Variants in FHIT observed in about 807,000 individuals in gnomAD.
The protein encoded by FHIT is bis(5'-adenosyl)-triphosphatase.
A neutral mutation model predicts 17.9 loss-of-function variants in FHIT; 19 were observed. The observed-to-expected ratio is 1.06, with a 90% CI of 0.74 to 1.56. The LOEUF (loss-of-function observed/expected upper bound fraction) is 1.56, where lower values mean the gene tolerates loss of function less well. Ranked by LOEUF, FHIT falls within the 40% of genes most tolerant of loss-of-function variation. The probability of loss-of-function intolerance (pLI) is 0.00; values close to 1 mark genes in which losing one functional copy is unlikely to be tolerated. For missense variants in FHIT, 248 were observed against 189.2 expected, an observed-to-expected ratio of 1.31 and a Z score of -1.82; for synonymous variants, 81 against 69.7, an observed-to-expected ratio of 1.16 and a Z score of -0.81.
At chr3:61,236,840 C>T (rs2040241635) in intron 1 of FHIT, among the ~76,000 whole-genome samples, 2 of 152,300 alleles carry the variant, frequency 1.3e-5, no homozygotes, top group East Asian at 3.9e-4. Context: ...GCATATGCTT[C>T]CTGGCCCACT....
intron 7 of FHIT, among the ~76,000 whole-genome samples, chr3:59,937,343 G>C (rs148743031): frequency 6.6e-6 from 1 of 152,176 alleles, no homozygotes; most frequent in Non-Finnish European, 1.5e-5. Context: ...CCTTCACAGT[G>C]TGATAAGATA....
intron 7 of FHIT, among the ~76,000 whole-genome samples, chr3:59,961,979 C>T (rs1364706448): frequency 6.6e-6 from 1 of 152,158 alleles, no homozygotes; most frequent in East Asian, 1.9e-4. Context: ...AGCATGGTGT[C>T]TGGCATATAA....
intron 7 of FHIT, among the ~76,000 whole-genome samples, chr3:59,986,026 A>T (rs570786945): frequency 5.3e-5 from 8 of 152,216 alleles, no homozygotes; most frequent in Admixed American, 4.6e-4. Flanking sequence ...AAAAACTCTG[A>T]ACCAAGTATC....
At chr3:60,847,537 T>C (rs1226864191) in intron 3 of FHIT, among the ~76,000 whole-genome samples, 2 of 151,894 alleles carry the variant, frequency 1.3e-5, no homozygotes, top group African/African-American at 4.8e-5. Flanking sequence ...GATCCCCTTT[T>C]CCAAAAAAAG....
chr3:60,834,915 A>C, intron 3 of FHIT, among the ~76,000 whole-genome samples: 1 of 152,012 alleles, frequency 6.6e-6, no homozygotes, highest in East Asian at 1.9e-4. Flanking sequence ...CACGGTGCAA[A>C]AGCAAAAGTT....
chr3:60,711,278 C>G (rs1482096946), intron 4 of FHIT, among the ~76,000 whole-genome samples: 1 of 152,146 alleles, frequency 6.6e-6, no homozygotes, highest in African/African-American at 2.4e-5. Context: ...ATCTGTACAT[C>G]ACCATCATCA....
chr3:60,332,078 A>G (rs1180155411), intron 5 of FHIT, among the ~76,000 whole-genome samples: 1 of 152,118 alleles, frequency 6.6e-6, no homozygotes, highest in Admixed American at 6.5e-5. Flanking sequence ...CATTAATGCT[A>G]ATTAAATATC....
At chr3:60,155,169 G>T (rs1700626067) in intron 5 of FHIT, among the ~76,000 whole-genome samples, 1 of 82,892 alleles carries the variant, frequency 1.2e-5, no homozygotes, top group African/African-American at 3.6e-5. Flanking sequence ...CTGGGTGACA[G>T]AGTCAAAAAA....
intron 5 of FHIT, among the ~76,000 whole-genome samples, chr3:60,117,421 T>A (rs997850473): frequency 2.7e-5 from 4 of 149,944 alleles, no homozygotes; most frequent in African/African-American, 9.9e-5. Context: ...TATTACAGCT[T>A]CAGTGATTAG....
At chr3:60,833,897 T>A (rs920293392) in intron 3 of FHIT, among the ~76,000 whole-genome samples, 2 of 152,216 alleles carry the variant, frequency 1.3e-5, no homozygotes, top group South Asian at 4.1e-4. Context: ...CAGTGTGTAA[T>A]CTTTTGGTTT....
At chr3:60,691,205 C>T (rs1410745306) in intron 4 of FHIT, among the ~76,000 whole-genome samples, 1 of 152,064 alleles carries the variant, frequency 6.6e-6, no homozygotes, top group Non-Finnish European at 1.5e-5. Context: ...GTTCTAATTG[C>T]TTCTGCCTCA....
At chr3:60,348,628 T>C (rs944989456) in intron 5 of FHIT, among the ~76,000 whole-genome samples, 2 of 148,246 alleles carry the variant, frequency 1.3e-5, no homozygotes, top group Non-Finnish European at 2.9e-5. Context: ...CACAGGCACC[T>C]AGACCACAGC....
chr3:61,230,743 T>G (rs2040079282), intron 1 of FHIT, among the ~76,000 whole-genome samples: 1 of 152,168 alleles, frequency 6.6e-6, no homozygotes, highest in Admixed American at 6.5e-5. Flanking sequence ...ATGTCTTTGC[T>G]TGGCAGAATT....
rs1395179537 is a variant in FHIT at position 60,306,938 on chromosome 3, C to T, written c.103+229922G>A. Among the ~76,000 whole-genome samples, 6 of 152,082 alleles carry T rather than the reference C, an allele frequency of 3.9e-5. No individual in the cohort carries two copies. The East Asian group carries it at 1.2e-3, about 29-fold the overall frequency. ...TTCATCTTAGCCACAGTAATAAGAC[C>T]TCTATGCTGCACTTCTTTTATAATT... On this transcript the variant is annotated intron_variant, in intron 5 of 9. Transcript: ENST00000492590.
chr3:60,179,232 A>C (rs1271783728), intron 5 of FHIT, among the ~76,000 whole-genome samples: 1 of 152,212 alleles, frequency 6.6e-6, no homozygotes, highest in Non-Finnish European at 1.5e-5. Flanking sequence ...TTTATGCAGA[A>C]GAGAAAACCA....
chr3:59,826,180 C>T (rs1309409676), intron 8 of FHIT, among the ~76,000 whole-genome samples: 3 of 152,130 alleles, frequency 2.0e-5, no homozygotes, highest in African/African-American at 7.2e-5. Context: ...TGCAGTGGTG[C>T]AGTCTTGGCT....
At chr3:60,715,166 C>T (rs537511859) in intron 4 of FHIT, among the ~76,000 whole-genome samples, 1 of 151,772 alleles carries the variant, frequency 6.6e-6, no homozygotes, top group Non-Finnish European at 1.5e-5. Flanking sequence ...ACAAACCTGA[C>T]AAAAACAAGC....
chr3:61,016,481 G>A lies in FHIT; in HGVS notation c.-111+25566C>T, dbSNP rs548188017. On this transcript the variant is annotated intron_variant, in intron 3 of 9. Coordinates refer to ENST00000492590, the MANE Select transcript of FHIT (RefSeq NM_002012.4). ...AGGGGATTTTGGAACTTACCATTTT[G>A]CAGCTATTTGTTTAAACAAAAATAA... is the stretch of plus-strand genomic sequence containing the variant. Among the ~76,000 whole-genome samples, 18 of 152,244 alleles carry A rather than the reference G, an allele frequency of 1.2e-4. No individual in the cohort carries two copies. In the South Asian group the frequency reaches 2.1e-3, roughly 18 times the overall value.
At chr3:60,387,331 C>T (rs1450260672) in intron 5 of FHIT, among the ~76,000 whole-genome samples, 1 of 152,044 alleles carries the variant, frequency 6.6e-6, no homozygotes, top group Admixed American at 6.6e-5. Context: ...CTGCATTCTC[C>T]CTGCAGGCAG....
Sources: allele counts gnomAD v4.1 joint callset (sites outside exome capture counted in the v4.1 genomes callset), GRCh38; gene constraint gnomAD v4.1.1; transcripts MANE v1.5; gene names NCBI Gene and HGNC (gene_info 2026-07-23, HGNC 2026-07-21).